The following ENTPD5 variants were observed in gnomAD, a reference collection of about 807,000 sequenced individuals.
ENTPD5 encodes the protein ectonucleoside triphosphate diphosphohydrolase 5 (inactive), also known as nucleoside diphosphate phosphatase ENTPD5.
ENTPD5 carries 49 observed loss-of-function variants against 60.2 expected under a neutral mutation model. The observed-to-expected ratio is 0.81, with a 90% CI of 0.65 to 1.03. ENTPD5 has a LOEUF of 1.03. Ranked by LOEUF, ENTPD5 falls within the 50% of genes least tolerant of loss-of-function variation. The pLI is 0.00. For missense variants in ENTPD5, 480 were observed against 507.6 expected (o/e 0.95, Z 0.52); for synonymous variants, 187 against 185.4 (o/e 1.01, Z -0.07).
chr14:73,983,090 G>T lies in ENTPD5; in HGVS notation c.369C>A (p.Thr123=). The T allele has an allele frequency of 6.2e-7, 1 of 1,614,002 alleles. No homozygotes were observed. The change falls in exon 6 of 16, where the codon ACC becomes ACA. Residue 123 remains threonine, a synonymous_variant. Coordinates refer to ENST00000334696, the MANE Select transcript of ENTPD5 (RefSeq NM_001249.5). ...DSIPRSHWKK[T]PVVLKATAGL... is the part of the protein sequence containing the mutation. Reference sequence around the variant, plus strand: ...CTGCTGTTGCCTTTAGGACCACTGGGGTCTTTTTCCAGTGACTTCGGGGGA... The same window carrying T: ...CTGCTGTTGCCTTTAGGACCACTGGTGTCTTTTTCCAGTGACTTCGGGGGA...
chr14:73,956,393 T>C (rs897888410), downstream of ENTPD5: 2 of 170,370 alleles, frequency 1.2e-5, no homozygotes, highest in East Asian at 2.9e-4. Flanking sequence ...GTGGAATTGC[T>C]GGGTCATATA....
At chr14:74,011,276 C>G (rs1327994512) in intron 2 of ENTPD5, 126 bp from the exon 3 acceptor site, 3 of 164,180 alleles carry the variant, frequency 1.8e-5, no homozygotes, top group Non-Finnish European at 2.5e-5. Context: ...GCTTTGGAAC[C>G]CAGATCACCA....
At chr14:73,961,311 G>A (rs1391677869), downstream of ENTPD5, 1 of 1,614,098 alleles carries the variant, frequency 6.2e-7, no homozygotes, top group African/African-American at 1.3e-5. Flanking sequence ...CAAAAGCCGA[G>A]TTCTGTTTCC....
chr14:73,971,359 T>C (rs935261423), intron 14 of ENTPD5, among the ~76,000 whole-genome samples: 3 of 152,116 alleles, frequency 2.0e-5, no homozygotes, highest in Admixed American at 6.6e-5. Flanking sequence ...GGTTTCACCA[T>C]GTTGGCCAGG....
Position 73,971,912 on chromosome 14 carries a change from A to C in ENTPD5, c.1028-4T>G. ...AAAATACCCCCCTTTTCATAATCTGAAATAAAACAGAAGATTATCTGATAT... is the reference window on the plus strand; with the variant it reads ...AAAATACCCCCCTTTTCATAATCTGCAATAAAACAGAAGATTATCTGATAT... On this transcript the variant is annotated splice_polypyrimidine_tract_variant and splice_region_variant and intron_variant, in intron 13 of 15. Transcript: ENST00000334696. 6.4e-6 allele frequency: 10 copies of C among 1,552,230 alleles called. No individual in the cohort carries two copies. Among genetic ancestry groups the C allele is most frequent in the Non-Finnish European group, 8.9e-6 (10 of 1,123,752 alleles).
intron 6 of ENTPD5, among the ~76,000 whole-genome samples, chr14:73,979,740 G>A (rs1374583916): frequency 6.6e-6 from 1 of 152,066 alleles, no homozygotes; most frequent in Non-Finnish European, 1.5e-5. Flanking sequence ...CAAAGTGCTG[G>A]GATTACAGGC....
chr14:73,957,098 A>T (rs181739324), downstream of ENTPD5, among the ~76,000 whole-genome samples: 7,719 of 127,142 alleles, frequency 0.061, 329 homozygotes, highest in South Asian at 0.25. Flanking sequence ...TATTATTATT[A>T]TTATTTTTTT....
Position 73,973,776 on chromosome 14 carries a change from C to T in ENTPD5, c.886+101G>A. On this transcript the variant is annotated intron_variant, in intron 12 of 15. Coordinates refer to ENST00000334696, the MANE Select transcript of ENTPD5 (RefSeq NM_001249.5). ...AGATCTTTGGAATAAGTCCCTGCAA[C>T]AAGATAAGCTTCTCTTGAGTTCTGG... The T allele has an allele frequency of 4.1e-6, 4 of 976,644 alleles. No homozygotes were observed. The South Asian group carries it at 5.6e-5, about 14-fold the overall frequency. 60.5% of individuals were successfully genotyped at this position (976,644 alleles called of 1,614,324 possible). A position where few individuals can be genotyped will look rare whatever the true frequency, so the allele number is the denominator to read the frequency against.
intron 6 of ENTPD5, among the ~76,000 whole-genome samples, chr14:73,979,797 T>C (rs2057601333): frequency 6.6e-6 from 1 of 151,950 alleles, no homozygotes; most frequent in Non-Finnish European, 1.5e-5. Flanking sequence ...GTTGAATAAA[T>C]GAGGAATAAA....
At chr14:73,979,681 C>T (rs2057594633) in intron 6 of ENTPD5, among the ~76,000 whole-genome samples, 1 of 152,090 alleles carries the variant, frequency 6.6e-6, no homozygotes, top group Non-Finnish European at 1.5e-5. Flanking sequence ...CCGTGTTAGC[C>T]AGGATGGTCT....
chr14:74,017,272 C>T (rs112464051), intron 1 of ENTPD5, among the ~76,000 whole-genome samples: 11,449 of 149,570 alleles, frequency 0.077, 581 homozygotes, highest in South Asian at 0.26. Context: ...GGGCCGAGAT[C>T]GTGCTATTGC....
intron 5 of ENTPD5, among the ~76,000 whole-genome samples, chr14:73,983,685 A>C (rs964986791): frequency 8.8e-6 from 1 of 113,210 alleles, no homozygotes; most frequent in African/African-American, 2.8e-5. Flanking sequence ...AATTATTATT[A>C]TTATTATTAT....
At chr14:74,009,152 C>T (rs2058768310) in intron 3 of ENTPD5, 1 of 150,218 alleles carries the variant, frequency 6.7e-6, no homozygotes, top group Admixed American at 6.7e-5. Context: ...TCTTCACAAA[C>T]CAGAAGGTCT....
chr14:74,015,359 GCCC>G (rs869071267), intron 2 of ENTPD5, among the ~76,000 whole-genome samples: 1 of 81,008 alleles, frequency 1.2e-5, no homozygotes, highest in South Asian at 4.1e-4. Context: ...CCCACCCCCC[GCCC>G]CCCCTTTTTT....
At chr14:73,979,943 A>ATT (rs554438546) in intron 6 of ENTPD5, among the ~76,000 whole-genome samples, 9,552 of 127,494 alleles carry the variant, frequency 0.075, 509 homozygotes, top group South Asian at 0.27. Context: ...TTTTGCCATG[A>ATT]TTTTTTTTTT....
intron 2 of ENTPD5, among the ~76,000 whole-genome samples, chr14:74,015,248 A>G (rs1211736758): frequency 6.6e-6 from 1 of 152,118 alleles, no homozygotes; most frequent in Admixed American, 6.6e-5. Flanking sequence ...TGATTTATGA[A>G]GGGAAACATG....
rs577087562 is a variant in ENTPD5, at chr14:73,993,928, A to C, written c.-70-5756T>G. On this transcript the variant is annotated intron_variant, in intron 3 of 15. Coordinates refer to ENST00000334696, the MANE Select transcript of ENTPD5 (RefSeq NM_001249.5). Reference sequence around the variant, plus strand: ...TCTGTTTTCACGAAAAAACAAACAAAAAAAAACAAACAAAAAACCCTGCAG... The same window carrying C: ...TCTGTTTTCACGAAAAAACAAACAACAAAAAACAAACAAAAAACCCTGCAG... Among the ~76,000 whole-genome samples the C allele has an allele frequency of 6.5e-3, 806 of 123,946 alleles. 7 individuals carry two copies. The highest frequency in any genetic ancestry group is 0.041 in the South Asian group (143 of 3,522). 81.3% of individuals were successfully genotyped at this position (123,946 alleles called of 152,430 possible). A position where few individuals can be genotyped will look rare whatever the true frequency, so the allele number is the denominator to read the frequency against.
intron 3 of ENTPD5, among the ~76,000 whole-genome samples, chr14:74,008,414 A>G (rs1258340965): frequency 1.4e-5 from 2 of 144,408 alleles, no homozygotes; most frequent in Non-Finnish European, 3.0e-5. Flanking sequence ...TTTGAGACGG[A>G]GTCTCGCTCT....
At chr14:73,969,950 ACTC>A in intron 15 of ENTPD5, 57 bp downstream of exon 15, 1 of 1,174,114 alleles carries the variant, frequency 8.5e-7, no homozygotes, top group Non-Finnish European at 1.3e-6. Flanking sequence ...ACAAGCTCTT[ACTC>A]CTTCTCAACC....
Sources: gnomAD v4.1 joint callset for allele counts (sites outside exome capture counted in the v4.1 genomes callset) on GRCh38, gnomAD v4.1.1 for gene constraint, MANE v1.5 for transcripts, NCBI Gene and HGNC (gene_info 2026-07-23, HGNC 2026-07-21) for gene names.